Variants in SLC24A2 observed in about 807,000 individuals in gnomAD.
SLC24A2 encodes solute carrier family 24 member 2, also known as sodium/potassium/calcium exchanger 2.
Under a neutral mutation model 62.0 loss-of-function variants are expected in SLC24A2, and 36 were observed. That is an observed-to-expected ratio of 0.58 (90% CI 0.44 to 0.77). SLC24A2 has a LOEUF of 0.77. Ranked by LOEUF, SLC24A2 falls within the 30% of genes least tolerant of loss-of-function variation. The probability of loss-of-function intolerance (pLI) is 0.00; values close to 1 mark genes in which losing one functional copy is unlikely to be tolerated. For synonymous variants in SLC24A2, 358 were observed against 294.0 expected (o/e 1.22, Z -2.23); for missense variants, 846 against 817.9 (o/e 1.03, Z -0.42).
At chr9:19,863,731 A>T in the SLC24A2 span, among the ~76,000 whole-genome samples, 25 of 151,938 alleles carry the variant, frequency 1.6e-4, no homozygotes, top group African/African-American at 6.0e-4. Context: ...GTTTATAGCT[A>T]TAAGTGCCCA....
chr9:20,019,141 GAAAGAA>G, the SLC24A2 span, among the ~76,000 whole-genome samples: 34 of 103,568 alleles, frequency 3.3e-4, no homozygotes, highest in African/African-American at 1.1e-3. Flanking sequence ...AAGAAAGAAA[GAAAGAA>G]AGAAAGAAAG....
intron 2 of SLC24A2, among the ~76,000 whole-genome samples, chr9:19,709,447 C>G (rs1012889120): frequency 1.4e-4 from 21 of 152,128 alleles, no homozygotes; most frequent in African/African-American, 4.6e-4. Flanking sequence ...TATAAAGACA[C>G]ATGCACACGT....
the SLC24A2 span, among the ~76,000 whole-genome samples, chr9:19,906,529 G>C: frequency 6.6e-6 from 1 of 152,170 alleles, no homozygotes; most frequent in Non-Finnish European, 1.5e-5. Flanking sequence ...AAAAATCAAT[G>C]AATCCAGGAG....
chr9:20,299,998 T>C, the SLC24A2 span, among the ~76,000 whole-genome samples: 1 of 152,354 alleles, frequency 6.6e-6, no homozygotes, highest in South Asian at 2.1e-4. Flanking sequence ...TTTAAGCTTA[T>C]CTTTATTTCT....
chr9:20,027,960 G>C, the SLC24A2 span, among the ~76,000 whole-genome samples: 5 of 152,034 alleles, frequency 3.3e-5, no homozygotes, highest in Non-Finnish European at 7.4e-5. Flanking sequence ...AATAAGTAAA[G>C]AAGCCTGCAG....
chr9:19,583,340 C>G (rs1233241603), intron 5 of SLC24A2, among the ~76,000 whole-genome samples: 4 of 152,180 alleles, frequency 2.6e-5, no homozygotes, highest in African/African-American at 7.2e-5. Flanking sequence ...TCTGAGCAGC[C>G]TATTGAAATC....
chr9:19,646,013 G>A (rs1818629389), intron 2 of SLC24A2, among the ~76,000 whole-genome samples: 1 of 152,162 alleles, frequency 6.6e-6, no homozygotes, highest in African/African-American at 2.4e-5. Context: ...TCCACTGATA[G>A]CTTTGTGATC....
chr9:19,980,864 T>G, the SLC24A2 span, among the ~76,000 whole-genome samples: 2 of 152,178 alleles, frequency 1.3e-5, no homozygotes, highest in Non-Finnish European at 2.9e-5. Context: ...TTTCTCCTAC[T>G]TTGAGTGAAG....
chr9:19,636,602 T>G (rs904157814), intron 2 of SLC24A2, among the ~76,000 whole-genome samples: 3 of 151,598 alleles, frequency 2.0e-5, no homozygotes, highest in African/African-American at 7.3e-5. Flanking sequence ...GCCCAGCTAA[T>G]TTTCGTATTT....
At chr9:20,100,615 C>A in the SLC24A2 span, among the ~76,000 whole-genome samples, 1 of 152,190 alleles carries the variant, frequency 6.6e-6, no homozygotes, top group Non-Finnish European at 1.5e-5. Context: ...CAGTGTCTGA[C>A]ACTTAGTGTT....
At chr9:20,199,936 G>A in the SLC24A2 span, among the ~76,000 whole-genome samples, 1 of 121,834 alleles carries the variant, frequency 8.2e-6, no homozygotes, top group Non-Finnish European at 1.7e-5. Flanking sequence ...TCACGATGTT[G>A]GCCAGGCTGG....
chr9:20,065,246 G>T, the SLC24A2 span, among the ~76,000 whole-genome samples: 3 of 152,158 alleles, frequency 2.0e-5, no homozygotes, highest in African/African-American at 7.2e-5. Flanking sequence ...CGTAAGAGTG[G>T]GGTCTGAGAT....
Position 19,516,299 on chromosome 9 carries a change from G to A in SLC24A2, c.1840C>T (p.Leu614=), listed in dbSNP as rs1832923657. 1 of 1,614,072 alleles carries A rather than the reference G, an allele frequency of 6.2e-7. No homozygotes were observed. Among genetic ancestry groups the A allele is most frequent in the African/African-American group, 1.3e-5 (1 of 74,922 alleles). Residue 614 remains leucine, a synonymous_variant, in exon 11 of 11, where the codon CTG becomes TTG. Coordinates refer to ENST00000341998, the MANE Select transcript of SLC24A2 (RefSeq NM_020344.4). The part of the protein sequence containing the change: ...FCAIVLLFIM[L]LFVILSIALC... ...GCGATAGAGAGGATGACGAAGAGCA[G>A]CATGATGAAGAGAAGGACGATGGCA...
chr9:20,154,139 T>A, the SLC24A2 span, among the ~76,000 whole-genome samples: 1 of 151,902 alleles, frequency 6.6e-6, no homozygotes, highest in Non-Finnish European at 1.5e-5. Context: ...GATTACTCTA[T>A]AAATGAGATA....
At chr9:19,565,743 C>T (rs1042144734) in intron 7 of SLC24A2, among the ~76,000 whole-genome samples, 4 of 152,166 alleles carry the variant, frequency 2.6e-5, no homozygotes, top group African/African-American at 9.7e-5. Flanking sequence ...ACCAAAACAG[C>T]ATGGTACTGG....
chr9:19,523,069 G>C (rs1833274811), intron 9 of SLC24A2, among the ~76,000 whole-genome samples: 1 of 152,206 alleles, frequency 6.6e-6, no homozygotes, highest in South Asian at 2.1e-4. Context: ...GGTAGTTCCA[G>C]CTACTCGGGG....
intron 2 of SLC24A2, among the ~76,000 whole-genome samples, chr9:19,641,774 T>C (rs1818501019): frequency 1.3e-5 from 2 of 152,158 alleles, no homozygotes; most frequent in Admixed American, 6.5e-5. Context: ...TACTGGAAAT[T>C]ATGTCTATTC....
chr9:19,710,674 C>A (rs1028638340), intron 2 of SLC24A2, among the ~76,000 whole-genome samples: 1 of 152,064 alleles, frequency 6.6e-6, no homozygotes, highest in African/African-American at 2.4e-5. Context: ...CATGAATGGG[C>A]CTTGTCAGCC....
the SLC24A2 span, among the ~76,000 whole-genome samples, chr9:19,931,518 A>T: frequency 6.6e-6 from 1 of 152,228 alleles, no homozygotes; most frequent in African/African-American, 2.4e-5. Context: ...CAAACATCAT[A>T]CTGACATAGA....
Sources: allele counts gnomAD v4.1 joint callset (sites outside exome capture counted in the v4.1 genomes callset), GRCh38; gene constraint gnomAD v4.1.1; transcripts MANE v1.5; gene names NCBI Gene and HGNC (gene_info 2026-07-23, HGNC 2026-07-21).